UGGT2: variants seen among roughly 807,000 people sequenced by gnomAD.
UGGT2 encodes UDP-glucose:glycoprotein glucosyltransferase 2.
Under a neutral mutation model 192.1 loss-of-function variants are expected in UGGT2, and 180 were observed. The ratio of observed to expected loss-of-function variants is 0.94; its 90% CI spans 0.83 to 1.06. The LOEUF (loss-of-function observed/expected upper bound fraction) is 1.06. Ranked by LOEUF, UGGT2 falls within the 50% of genes least tolerant of loss-of-function variation. The probability of loss-of-function intolerance (pLI) is 0.00; values close to 1 mark genes in which losing one functional copy is unlikely to be tolerated. For synonymous variants in UGGT2, 580 were observed against 591.0 expected (o/e 0.98, Z 0.27); for missense variants, 1,849 against 1,795.7 (o/e 1.03, Z -0.54).
intron 1 of UGGT2, among the ~76,000 whole-genome samples, chr13:96,037,733 A>T (rs891739149): frequency 6.6e-6 from 1 of 152,200 alleles, no homozygotes; most frequent in Non-Finnish European, 1.5e-5. Context: ...TTAAGTTCCT[A>T]TCTGCCCAGC....
intron 24 of UGGT2, 142 bp from the exon 25 acceptor site, chr13:95,891,106 C>T (rs949593840): frequency 1.8e-6 from 1 of 554,476 alleles, no homozygotes; most frequent in South Asian, 3.3e-5. Context: ...ACAATGCTTG[C>T]AAATCTGAAA....
intron 15 of UGGT2, among the ~76,000 whole-genome samples, chr13:95,944,463 G>A (rs556992772): frequency 6.8e-4 from 104 of 152,092 alleles, no homozygotes; most frequent in Non-Finnish European, 1.3e-3. Context: ...AGAATACAAC[G>A]GAATAAACTG....
chr13:95,967,806 A>ATAT (rs2050636690), intron 12 of UGGT2, among the ~76,000 whole-genome samples: 1 of 152,162 alleles, frequency 6.6e-6, no homozygotes, highest in Non-Finnish European at 1.5e-5. Flanking sequence ...GCTGATTTAC[A>ATAT]CGTCCTCAGT....
At chr13:96,013,933 C>A (rs2052245861) in intron 4 of UGGT2, among the ~76,000 whole-genome samples, 1 of 152,090 alleles carries the variant, frequency 6.6e-6, no homozygotes, top group Admixed American at 6.5e-5. Context: ...AGCAAAGAAA[C>A]CAGGACTCTT....
intron 4 of UGGT2, among the ~76,000 whole-genome samples, chr13:96,017,673 A>C (rs2052381025): frequency 6.6e-6 from 1 of 152,238 alleles, no homozygotes; most frequent in East Asian, 1.9e-4. Flanking sequence ...AGTACAATAA[A>C]TGTTTTTTTA....
At chr13:95,809,973 C>T (rs1884500142) in intron 38 of UGGT2, among the ~76,000 whole-genome samples, 1 of 152,156 alleles carries the variant, frequency 6.6e-6, no homozygotes, top group African/African-American at 2.4e-5. Flanking sequence ...AGGTATTTTG[C>T]AAGAATTATA....
In UGGT2 at chr13:95,890,880, T is replaced by C; in HGVS notation, c.2940A>G (p.Lys980=). The C allele has an allele frequency of 6.2e-7, 1 of 1,612,420 alleles. No homozygotes were observed. ...IVDPLTREAQ[K]MAQLLVVLGK... is the part of the protein sequence containing the mutation. ...ATCTTACAACCAACAACTGTGCCAT[T>C]TTCTGTGCTTCTCTTGTTAATGGAT... Residue 980 remains lysine, a synonymous_variant, in exon 25 of 39, where the codon AAA becomes AAG. Coordinates refer to ENST00000376747, the MANE Select transcript of UGGT2 (RefSeq NM_020121.4).
At chr13:95,831,741 C>G (rs1269233679) in intron 38 of UGGT2, among the ~76,000 whole-genome samples, 2 of 151,890 alleles carry the variant, frequency 1.3e-5, no homozygotes. Flanking sequence ...CTCACCAATG[C>G]TCATTATTAT....
chr13:95,817,344 C>T (rs1213257860), intron 38 of UGGT2, among the ~76,000 whole-genome samples: 4 of 152,060 alleles, frequency 2.6e-5, no homozygotes, highest in Admixed American at 1.3e-4. Flanking sequence ...CAGCACTTTG[C>T]GGGGCTAAGG....
chr13:96,052,047 A>C (rs1036051186), intron 1 of UGGT2, among the ~76,000 whole-genome samples: 7 of 152,220 alleles, frequency 4.6e-5, no homozygotes, highest in African/African-American at 1.7e-4. Flanking sequence ...AGCACAATTC[A>C]CAAGTGCAAA....
intron 21 of UGGT2, 126 bp from the exon 22 acceptor site, chr13:95,901,064 ATTTTC>A: frequency 1.4e-6 from 1 of 726,820 alleles, no homozygotes; most frequent in Non-Finnish European, 1.9e-6. Context: ...ATTTGGTATA[ATTTTC>A]TTTGAAAGAA....
intron 17 of UGGT2, among the ~76,000 whole-genome samples, chr13:95,934,862 T>C (rs2049408265): frequency 6.6e-6 from 1 of 152,158 alleles, no homozygotes; most frequent in South Asian, 2.1e-4. Context: ...AGTGGGTGAG[T>C]TGAAGTCTCC....
intron 5 of UGGT2, among the ~76,000 whole-genome samples, chr13:96,010,313 G>T (rs2052121351): frequency 6.6e-6 from 1 of 151,996 alleles, no homozygotes; most frequent in South Asian, 2.1e-4. Context: ...GTGCATGCCG[G>T]GCTTAATTCC....
chr13:95,928,765 G>A (rs1435284202), intron 17 of UGGT2, among the ~76,000 whole-genome samples: 1 of 152,190 alleles, frequency 6.6e-6, no homozygotes, highest in Non-Finnish European at 1.5e-5. Flanking sequence ...CGGCCAGGCA[G>A]AGATGCTCCT....
intron 38 of UGGT2, among the ~76,000 whole-genome samples, chr13:95,805,380 G>T (rs1292846676): frequency 6.6e-6 from 1 of 151,956 alleles, no homozygotes; most frequent in African/African-American, 2.4e-5. Flanking sequence ...ATGAAAAATA[G>T]AGGTTCCTTA....
intron 11 of UGGT2, among the ~76,000 whole-genome samples, chr13:95,970,686 TG>T (rs2050744933): frequency 6.6e-6 from 1 of 152,236 alleles, no homozygotes; most frequent in East Asian, 1.9e-4. Context: ...GAAGTTCACG[TG>T]TGTTTGAATA....
intron 38 of UGGT2, among the ~76,000 whole-genome samples, chr13:95,804,488 G>T (rs1884210326): frequency 6.6e-6 from 1 of 152,112 alleles, no homozygotes; most frequent in African/African-American, 2.4e-5. Context: ...AATCACAAGG[G>T]ATGCCGAAAA....
intron 5 of UGGT2, among the ~76,000 whole-genome samples, chr13:96,003,841 TA>T (rs2051884224): frequency 6.6e-6 from 1 of 152,074 alleles, no homozygotes; most frequent in African/African-American, 2.4e-5. Flanking sequence ...AGAGAAACAG[TA>T]AGTCAATATT....
intron 12 of UGGT2, among the ~76,000 whole-genome samples, chr13:95,953,899 A>G (rs2050139511): frequency 6.6e-6 from 1 of 152,200 alleles, no homozygotes; most frequent in Non-Finnish European, 1.5e-5. Flanking sequence ...AAAAGAAAAT[A>G]GTTACTATAG....
Sources: gnomAD v4.1 joint callset for allele counts (sites outside exome capture counted in the v4.1 genomes callset) on GRCh38, gnomAD v4.1.1 for gene constraint, MANE v1.5 for transcripts, NCBI Gene and HGNC (gene_info 2026-07-23, HGNC 2026-07-21) for gene names.